IL1RAPL1: variants seen among roughly 807,000 people sequenced by gnomAD.
IL1RAPL1 encodes interleukin 1 receptor accessory protein like 1, also known as interleukin-1 receptor accessory protein-like 1.
A neutral mutation model predicts 48.4 loss-of-function variants in IL1RAPL1; 3 were observed. That is an observed-to-expected ratio of 0.06 (90% CI 0.03 to 0.16). The LOEUF (loss-of-function observed/expected upper bound fraction) is 0.16. IL1RAPL1 is among the 10% of genes least tolerant of loss of function. The pLI, the probability that IL1RAPL1 is intolerant of heterozygous loss-of-function variation, is 1.00. For synonymous variants in IL1RAPL1, 185 were observed against 187.7 expected (o/e 0.99, Z 0.12); for missense variants, 349 against 530.6 (o/e 0.66, Z 3.36).
chrX:29,499,584 T>G, intron 5 of IL1RAPL1, among the ~76,000 whole-genome samples: 1 of 111,836 alleles, frequency 8.9e-6, no homozygotes, highest in East Asian at 2.8e-4. Flanking sequence ...AAAATACAAA[T>G]ACATAGGTCA....
At chrX:29,084,075 G>A (rs182572606) in intron 2 of IL1RAPL1, among the ~76,000 whole-genome samples, 150 of 111,718 alleles carry the variant, frequency 1.3e-3, no homozygotes, top group Non-Finnish European at 2.2e-3. Context: ...TGACAGGCTT[G>A]CATCTCAGCA....
rs768334360 is a variant in IL1RAPL1 at position 29,559,677 on chromosome X, A to AT, written c.704-108743dup. Among the ~76,000 whole-genome samples, 322 of 107,759 alleles carry AT rather than the reference A, an allele frequency of 3.0e-3. 2 individuals are homozygous for AT. The highest frequency in any genetic ancestry group is 8.7e-3 in the African/African-American group (260 of 29,749). 93.6% of individuals were successfully genotyped at this position (107,759 alleles called of 115,157 possible). ...TCTCTTAGATTTTGTGTATCTACTA[A>AT]TTTTTTTTTTCATTGTGGTTACCAT... On this transcript the variant is annotated intron_variant, in intron 5 of 10. Coordinates refer to ENST00000378993, the MANE Select transcript of IL1RAPL1 (RefSeq NM_014271.4).
intron 1 of IL1RAPL1, among the ~76,000 whole-genome samples, chrX:28,771,937 CAA>C (rs5901904): frequency 2.4e-5 from 1 of 42,008 alleles, no homozygotes; most frequent in East Asian, 7.4e-4. Flanking sequence ...GACTCCGTCT[CAA>C]AAAAAAAAAA....
At chrX:29,654,283 C>CAG (rs887338172) in intron 5 of IL1RAPL1, among the ~76,000 whole-genome samples, 2 of 111,083 alleles carry the variant, frequency 1.8e-5, no homozygotes, top group African/African-American at 6.5e-5. Flanking sequence ...TAATCATTGA[C>CAG]AGAGGTCAAG....
Position 29,412,360 on chromosome X carries a change from A to G in IL1RAPL1, c.703+13052A>G, listed in dbSNP as rs572383062. 9.8e-5 allele frequency among the ~76,000 whole-genome samples: 11 copies of G among 112,236 alleles called. No individual in the cohort carries two copies. In the South Asian group the frequency reaches 4.1e-3, roughly 41 times the overall value. On this transcript the variant is annotated intron_variant, in intron 5 of 10. Coordinates refer to ENST00000378993, the MANE Select transcript of IL1RAPL1 (RefSeq NM_014271.4). The stretch of plus-strand genomic sequence containing the variant: ...GTCCAATATAATAGCCACAAGCACC[A>G]TGTGTCCACTGAGCAACTGAAATTT...
At chrX:29,620,141 C>T (rs929979910) in intron 5 of IL1RAPL1, among the ~76,000 whole-genome samples, 4 of 111,680 alleles carry the variant, frequency 3.6e-5, no homozygotes, top group African/African-American at 1.3e-4. Context: ...CTAGTGGTTA[C>T]TTATCATATC....
At chrX:29,886,054 T>G (rs1453836551) in intron 6 of IL1RAPL1, among the ~76,000 whole-genome samples, 1 of 111,857 alleles carries the variant, frequency 8.9e-6, no homozygotes, top group South Asian at 3.7e-4. Context: ...AGAGAAGTAA[T>G]AGTTCCAGTC....
intron 2 of IL1RAPL1, among the ~76,000 whole-genome samples, chrX:29,103,039 C>G (rs1878241136): frequency 8.9e-6 from 1 of 111,855 alleles, no homozygotes; most frequent in Non-Finnish European, 1.9e-5. Flanking sequence ...GTTAAAATAT[C>G]CACACTATCC....
chrX:29,301,137 G>A (rs1454942029), intron 3 of IL1RAPL1, among the ~76,000 whole-genome samples: 1 of 111,733 alleles, frequency 8.9e-6, no homozygotes, highest in Non-Finnish European at 1.9e-5. Flanking sequence ...ATCAGCAAGA[G>A]TTGTTTGTGG....
At chrX:29,261,184 T>G (rs1931852714) in intron 2 of IL1RAPL1, among the ~76,000 whole-genome samples, 1 of 110,420 alleles carries the variant, frequency 9.1e-6, no homozygotes, top group Non-Finnish European at 1.9e-5. Flanking sequence ...TTCCTAGGTA[T>G]GATTTTAATG....
intron 5 of IL1RAPL1, among the ~76,000 whole-genome samples, chrX:29,631,587 A>C (rs1045708819): frequency 7.1e-5 from 8 of 112,108 alleles, no homozygotes; most frequent in Non-Finnish European, 1.1e-4. Flanking sequence ...TGGCCTCAAC[A>C]TGATTTTATA....
At chrX:29,920,225 C>T in intron 8 of IL1RAPL1, 131 bp downstream of exon 8, 1 of 813,508 alleles carries the variant, frequency 1.2e-6, no homozygotes. Context: ...ATCATATTTG[C>T]ATTAGAGCCA....
intron 5 of IL1RAPL1, among the ~76,000 whole-genome samples, chrX:29,576,849 A>T (rs1404879948): frequency 2.7e-5 from 3 of 110,951 alleles, no homozygotes; most frequent in Non-Finnish European, 5.7e-5. Context: ...TTATGAATTT[A>T]ATTTTGGTTT....
rs1935443575 is a variant in IL1RAPL1 at position 28,711,751 on chromosome X, T to A, written c.-24-77569T>A. ...TAATAATAAATATATATAATATACA[T>A]TTATATATTATATATATAATAAATG... On this transcript the variant is annotated intron_variant, in intron 1 of 10. Coordinates refer to ENST00000378993, the MANE Select transcript of IL1RAPL1 (RefSeq NM_014271.4). Among the ~76,000 whole-genome samples the A allele has an allele frequency of 3.7e-5, 4 of 106,980 alleles. No individual in the cohort carries two copies. The South Asian group carries it at 1.5e-3, about 40-fold the overall frequency. 92.9% of individuals were successfully genotyped at this position (106,980 alleles called of 115,157 possible).
intron 2 of IL1RAPL1, among the ~76,000 whole-genome samples, chrX:29,223,380 T>C (rs1259933959): frequency 9.0e-6 from 1 of 111,484 alleles, no homozygotes; most frequent in Non-Finnish European, 1.9e-5. Context: ...AACTGTTACT[T>C]TATCACTTGA....
intron 5 of IL1RAPL1, among the ~76,000 whole-genome samples, chrX:29,579,930 T>C (rs1251491733): frequency 8.9e-6 from 1 of 111,759 alleles, no homozygotes; most frequent in Non-Finnish European, 1.9e-5. Flanking sequence ...TATAGACTTT[T>C]TTGTTACAGA....
chrX:29,854,193 G>A (rs6630969), intron 6 of IL1RAPL1, among the ~76,000 whole-genome samples: 182 of 111,882 alleles, frequency 1.6e-3, no homozygotes, highest in African/African-American at 5.7e-3. Context: ...ACACCGTTAA[G>A]GCTCTTTTTA....
chrX:29,274,770 C>G (rs1176586124), intron 2 of IL1RAPL1, among the ~76,000 whole-genome samples: 1 of 111,466 alleles, frequency 9.0e-6, no homozygotes, highest in Non-Finnish European at 1.9e-5. Flanking sequence ...CAACACTTAT[C>G]TCTCGCCTTG....
At chrX:29,692,995 C>T (rs1310179454) in intron 6 of IL1RAPL1, among the ~76,000 whole-genome samples, 5 of 111,626 alleles carry the variant, frequency 4.5e-5, no homozygotes, top group East Asian at 2.8e-4. Context: ...GAGAGATGAG[C>T]GGGAAAAGGT....
Sources: gnomAD v4.1 joint callset for allele counts (sites outside exome capture counted in the v4.1 genomes callset) on GRCh38, gnomAD v4.1.1 for gene constraint, MANE v1.5 for transcripts, NCBI Gene and HGNC (gene_info 2026-07-23, HGNC 2026-07-21) for gene names.